Variants in SGCZ observed in about 807,000 individuals in gnomAD.
SGCZ encodes sarcoglycan zeta.
In SGCZ, 40 loss-of-function variants were observed where a neutral mutation model predicts 41.3. The observed-to-expected ratio is 0.97, with a 90% confidence interval of 0.75 to 1.26. The LOEUF (loss-of-function observed/expected upper bound fraction) is 1.26. Among genes scored for constraint, SGCZ ranks in the 50% most tolerant of loss-of-function variants. The pLI, the probability that SGCZ is intolerant of heterozygous loss-of-function variation, is 0.00. For missense variants in SGCZ, 552 were observed against 369.8 expected (o/e 1.49, Z -4.04); for synonymous variants, 206 against 137.5 (o/e 1.50, Z -3.49).
intron 4 of SGCZ, among the ~76,000 whole-genome samples, chr8:14,203,711 T>C (rs1169292302): frequency 6.6e-6 from 1 of 152,168 alleles, no homozygotes; most frequent in African/African-American, 2.4e-5. Flanking sequence ...TCAAGGACCT[T>C]ATTAACTAAT....
intron 1 of SGCZ, among the ~76,000 whole-genome samples, chr8:14,812,255 A>G (rs759333625): frequency 3.9e-5 from 6 of 152,054 alleles, no homozygotes; most frequent in African/African-American, 7.2e-5. Flanking sequence ...ATTTTTTCCA[A>G]CATTCACATT....
intron 2 of SGCZ, among the ~76,000 whole-genome samples, chr8:14,361,726 G>A (rs1415711200): frequency 2.6e-5 from 4 of 152,180 alleles, no homozygotes; most frequent in African/African-American, 9.7e-5. Context: ...TCCATTGCTG[G>A]TGAGGAGTTG....
At chr8:15,031,343 G>C (rs1803655415) in intron 1 of SGCZ, among the ~76,000 whole-genome samples, 1 of 152,130 alleles carries the variant, frequency 6.6e-6, no homozygotes, top group Admixed American at 6.5e-5. Flanking sequence ...TGGTGTATTT[G>C]ACTAGTAGTG....
At chr8:14,465,648 T>C (rs1801027490) in intron 2 of SGCZ, among the ~76,000 whole-genome samples, 1 of 151,778 alleles carries the variant, frequency 6.6e-6, no homozygotes, top group Non-Finnish European at 1.5e-5. Context: ...TCATTTTCTT[T>C]CATGTACATT....
intron 2 of SGCZ, among the ~76,000 whole-genome samples, chr8:14,395,569 T>C (rs1353953142): frequency 2.0e-5 from 3 of 152,062 alleles, no homozygotes; most frequent in African/African-American, 4.8e-5. Flanking sequence ...GAAAGAAAGA[T>C]AGAAGGTGTA....
At chr8:15,192,377 G>C (rs952518060) in intron 1 of SGCZ, among the ~76,000 whole-genome samples, 1 of 151,996 alleles carries the variant, frequency 6.6e-6, no homozygotes, top group East Asian at 1.9e-4. Context: ...TTTAAAATCA[G>C]CTTCCAAAAT....
intron 1 of SGCZ, among the ~76,000 whole-genome samples, chr8:14,760,980 A>T (rs1247065292): frequency 2.6e-5 from 4 of 152,200 alleles, no homozygotes; most frequent in East Asian, 1.9e-4. Flanking sequence ...GTTGGATGTC[A>T]GATGTAGGTC....
At chr8:14,620,764 G>A (rs1176277702) in intron 1 of SGCZ, among the ~76,000 whole-genome samples, 1 of 152,100 alleles carries the variant, frequency 6.6e-6, no homozygotes, top group Admixed American at 6.6e-5. Flanking sequence ...AGTTAGAACG[G>A]CGATCATTAA....
intron 1 of SGCZ, among the ~76,000 whole-genome samples, chr8:14,612,808 C>T (rs1805972670): frequency 6.6e-6 from 1 of 152,032 alleles, no homozygotes; most frequent in South Asian, 2.1e-4. Context: ...TGCCTCACTG[C>T]TCAAGTTGCT....
chr8:14,125,899 T>C (rs965933224), intron 5 of SGCZ, among the ~76,000 whole-genome samples: 14 of 152,146 alleles, frequency 9.2e-5, no homozygotes, highest in Non-Finnish European at 1.9e-4. Flanking sequence ...AATAAATGGT[T>C]GGTGCTGGGA....
chr8:14,101,639 C>G (rs946079101), intron 7 of SGCZ, among the ~76,000 whole-genome samples: 6 of 105,190 alleles, frequency 5.7e-5, no homozygotes, highest in Non-Finnish European at 1.5e-4. Context: ...TGTATACATC[C>G]TATTCCAGGA....
At chr8:14,672,282 C>T (rs1272524336) in intron 1 of SGCZ, among the ~76,000 whole-genome samples, 1 of 152,022 alleles carries the variant, frequency 6.6e-6, no homozygotes, top group Non-Finnish European at 1.5e-5. Flanking sequence ...AGTAATCTGC[C>T]ATTTGCTAAG....
At chr8:14,620,596 AAAAC>A (rs1342210649) in intron 1 of SGCZ, among the ~76,000 whole-genome samples, 1 of 151,732 alleles carries the variant, frequency 6.6e-6, no homozygotes, top group Non-Finnish European at 1.5e-5. Context: ...TTTATGAGAA[AAAAC>A]AAACAACCCC....
intron 5 of SGCZ, among the ~76,000 whole-genome samples, chr8:14,114,320 A>C (rs1218212069): frequency 6.6e-6 from 1 of 152,010 alleles, no homozygotes; most frequent in Non-Finnish European, 1.5e-5. Flanking sequence ...ACACAAATCA[A>C]CATCCTGCGA....
chr8:14,237,709 G>A, intron 3 of SGCZ, 30 bp from the exon 4 acceptor site: 1 of 1,573,832 alleles, frequency 6.4e-7, no homozygotes, highest in Non-Finnish European at 8.7e-7. Flanking sequence ...TAAATAAATA[G>A]AAAATAGAAA....
chr8:14,685,261 A>G (rs1808575278), intron 1 of SGCZ, among the ~76,000 whole-genome samples: 1 of 152,152 alleles, frequency 6.6e-6, no homozygotes, highest in African/African-American at 2.4e-5. Context: ...AACAAACTTT[A>G]TAATTATTAT....
chr8:14,232,852 T>C (rs1806620512), intron 4 of SGCZ, among the ~76,000 whole-genome samples: 1 of 152,066 alleles, frequency 6.6e-6, no homozygotes, highest in South Asian at 2.1e-4. Context: ...CAAGATCCTA[T>C]TTAAAGCATA....
chr8:15,216,223 C>CTTTTTTTTTTTTTTTTTTTTTCT, intron 1 of SGCZ, among the ~76,000 whole-genome samples: 1 of 125,940 alleles, frequency 7.9e-6, no homozygotes, highest in Non-Finnish European at 1.6e-5. Flanking sequence ...CTTTTTTTTT[C>CTTTTTTTTTTTTTTTTTTTTTCT]TTTTTTTTTT....
At chr8:14,846,629 C>T (rs1348427119) in intron 1 of SGCZ, among the ~76,000 whole-genome samples, 1 of 145,334 alleles carries the variant, frequency 6.9e-6, no homozygotes, top group Non-Finnish European at 1.5e-5. Flanking sequence ...AAAATCCCTC[C>T]AGAAGAAATA....
Sources: allele counts gnomAD v4.1 joint callset (sites outside exome capture counted in the v4.1 genomes callset), GRCh38; gene constraint gnomAD v4.1.1; transcripts MANE v1.5; gene names NCBI Gene and HGNC (gene_info 2026-07-23, HGNC 2026-07-21).